Variants in MYCBP2 observed in about 807,000 individuals in gnomAD.
MYCBP2 encodes MYC binding protein 2, also known as E3 ubiquitin-protein ligase MYCBP2.
Under a neutral mutation model 525.3 loss-of-function variants are expected in MYCBP2, and 120 were observed. The observed-to-expected ratio is 0.23, with a 90% CI of 0.20 to 0.27. The LOEUF (loss-of-function observed/expected upper bound fraction) is 0.27, where lower values mean the gene tolerates loss of function less well. MYCBP2 is among the 10% of genes least tolerant of loss of function. The probability of loss-of-function intolerance (pLI) is 1.00; values close to 1 mark genes in which losing one functional copy is unlikely to be tolerated. For synonymous variants in MYCBP2, 1,894 were observed against 1,955.8 expected (o/e 0.97, Z 0.83); for missense variants, 4,149 against 5,657.1 (o/e 0.73, Z 8.55).
chr13:77,167,010 CACA>C (rs2058617086), intron 40 of MYCBP2, among the ~76,000 whole-genome samples: 1 of 150,900 alleles, frequency 6.6e-6, no homozygotes, highest in African/African-American at 2.4e-5. Context: ...CACACACACA[CACA>C]CACACACACA....
At chr13:77,319,066 T>A (rs2081289312) in intron 1 of MYCBP2, among the ~76,000 whole-genome samples, 1 of 152,212 alleles carries the variant, frequency 6.6e-6, no homozygotes, top group African/African-American at 2.4e-5. Context: ...TATTCTTTTG[T>A]GTCTGTGGTG....
At chr13:77,248,145 A>AG in intron 15 of MYCBP2, among the ~76,000 whole-genome samples, 1 of 151,102 alleles carries the variant, frequency 6.6e-6, no homozygotes, top group Admixed American at 6.6e-5. Context: ...GTATAATCAA[A>AG]AAAAAAAAAA....
chr13:77,063,904 T>C (rs1323371726), intron 73 of MYCBP2, among the ~76,000 whole-genome samples: 1 of 152,202 alleles, frequency 6.6e-6, no homozygotes, highest in Non-Finnish European at 1.5e-5. Context: ...ATAGCATAAA[T>C]TGACTTTTTC....
intron 20 of MYCBP2, among the ~76,000 whole-genome samples, chr13:77,220,186 G>A (rs1332955358): frequency 6.6e-6 from 1 of 152,070 alleles, no homozygotes; most frequent in Non-Finnish European, 1.5e-5. Context: ...AAACTGGTAA[G>A]AGTATAGGTG....
intron 18 of MYCBP2, among the ~76,000 whole-genome samples, chr13:77,226,969 C>G (rs574113814): frequency 6.6e-6 from 1 of 152,046 alleles, no homozygotes. Flanking sequence ...AGTGTGGTTA[C>G]CTACATTATA....
intron 46 of MYCBP2, among the ~76,000 whole-genome samples, chr13:77,153,745 A>G (rs1470426906): frequency 2.4e-4 from 10 of 42,154 alleles, no homozygotes; most frequent in Non-Finnish European, 4.3e-4. Context: ...GATTTCCTTA[A>G]AATAAACTTT....
chr13:77,098,986 G>A lies in MYCBP2; in HGVS notation c.8168C>T (p.Ser2723Phe), dbSNP rs1476956276. Residue 2723 changes from serine (S) to phenylalanine (F), a missense_variant, in exon 56 of 83, where the codon TCT (serine) becomes TTT (phenylalanine). Ser to Phe is a radical substitution (Grantham distance 155). Transcript: ENST00000544440. ...TTTTCCTGATGTAGAGGCTGGTTTAGAAGATGTTGAGATGTTTCCTCGATC... is the reference window on the plus strand; with the variant it reads ...TTTTCCTGATGTAGAGGCTGGTTTAAAAGATGTTGAGATGTTTCCTCGATC... Reference protein sequence around the residue: ...KGDRGNISTSSKPASTSGKSE... With the variant: ...KGDRGNISTSFKPASTSGKSE... 2 of 1,609,140 alleles carry A rather than the reference G, an allele frequency of 1.2e-6. No homozygotes were observed. The highest frequency in any genetic ancestry group is 2.7e-5 in the African/African-American group (2 of 74,838).
At chr13:77,068,878 A>AT in intron 69 of MYCBP2, 47 bp from the exon 70 acceptor site, 2 of 1,565,708 alleles carry the variant, frequency 1.3e-6, no homozygotes, top group South Asian at 1.1e-5. Flanking sequence ...GGTTAGTTTG[A>AT]TTTACTACTC....
At chr13:77,270,846 TTTG>T (rs1216008407) in intron 5 of MYCBP2, among the ~76,000 whole-genome samples, 1 of 152,148 alleles carries the variant, frequency 6.6e-6, no homozygotes, top group Non-Finnish European at 1.5e-5. Context: ...TACATTAGAT[TTTG>T]TCATTCTCGA....
intron 32 of MYCBP2, 34 bp from the exon 33 acceptor site, chr13:77,181,956 A>G: frequency 6.6e-7 from 1 of 1,507,122 alleles, no homozygotes; most frequent in Non-Finnish European, 9.2e-7. Flanking sequence ...CCCCAACCAA[A>G]AAATATAGCA....
chr13:77,243,942 A>G lies in MYCBP2; in HGVS notation c.2391T>C (p.Gly797=), dbSNP rs1234933140. The G allele has an allele frequency of 2.0e-6, 3 of 1,528,270 alleles. No individual in the cohort carries two copies. The highest frequency in any genetic ancestry group is 2.9e-5 in the African/African-American group (2 of 68,930). The allele number at this position is 1,528,270 out of a possible 1,614,324, so 94.7% of individuals were successfully genotyped here. Residue 797 remains glycine, a synonymous_variant, in exon 16 of 83, where the codon GGT becomes GGC. Transcript: ENST00000544440. ...RPDRVPGGIC[G]CGSGESGCAV... ...CACAACCAGATTCTCCGGAACCACA[A>G]CCACAGATCCTAGGGGGAAATACAA...
chr13:77,284,988 T>C (rs2076587467), intron 3 of MYCBP2, among the ~76,000 whole-genome samples: 1 of 152,204 alleles, frequency 6.6e-6, no homozygotes. Context: ...GACAGGTCAG[T>C]ACTTGGTAGA....
Position 77,306,631 on chromosome 13 carries a change from A to G in MYCBP2, c.303-9957T>C, listed in dbSNP as rs563164042. 2.0e-5 allele frequency among the ~76,000 whole-genome samples: 3 copies of G among 152,348 alleles called. No homozygotes were observed. In the South Asian group the frequency reaches 6.2e-4, roughly 32 times the overall value. On this transcript the variant is annotated intron_variant, in intron 1 of 82. Coordinates refer to ENST00000544440, the MANE Select transcript of MYCBP2 (RefSeq NM_015057.5). ...TTTGGCTATAGACCCTGCCTCATGCATATTTGTACTCTTAAGTAAACATAG... is the reference window on the plus strand; with the variant it reads ...TTTGGCTATAGACCCTGCCTCATGCGTATTTGTACTCTTAAGTAAACATAG...
Position 77,205,292 on chromosome 13 carries a change from C to G in MYCBP2, c.3807G>C (p.Leu1269=), listed in dbSNP as rs766023875. 1.9e-6 allele frequency: 3 copies of G among 1,613,186 alleles called. No homozygotes were observed. The highest frequency in any genetic ancestry group is 2.5e-6 in the Non-Finnish European group (3 of 1,179,476). The change falls in exon 26 of 83, where the codon CTG becomes CTC. Residue 1269 remains leucine, a synonymous_variant. Coordinates refer to ENST00000544440, the MANE Select transcript of MYCBP2 (RefSeq NM_015057.5). ...CAGTATATTCTCCTCTACCTCCAAA[C>G]AGACCAAGACCACCAAGTAAAATAT... ...DTDILLGGLG[L]FGGRGEYTAK... is the part of the protein sequence containing the mutation.
Position 77,186,017 on chromosome 13 carries a change from G to T in MYCBP2, c.4298C>A (p.Thr1433Asn). The T allele has an allele frequency of 6.2e-7, 1 of 1,611,966 alleles. No individual in the cohort carries two copies. The highest frequency in any genetic ancestry group is 8.5e-7 in the Non-Finnish European group (1 of 1,179,358). The change falls in exon 31 of 83, where the codon ACC becomes AAC. Residue 1433 changes from threonine to asparagine, a missense_variant. Around this residue, in one of 21 missense-constraint regions of MYCBP2, gnomAD observed 292 missense variants for 330.5 expected, o/e 0.88. Transcript: ENST00000544440. ...AAGTTCTTCAACTCCTAAGACTAAG[G>T]TGGTCCAGCTCCAGTGAAGAATACT... ...LLSILHWSWT[T>N]LVLGVEELRG...
At position 77,158,189 on chromosome 13, in the gene MYCBP2, T is replaced by C. The variant is rs1028048079; in HGVS notation, c.6598-80A>G. On this transcript the variant is annotated intron_variant, in intron 44 of 82. Coordinates refer to ENST00000544440, the MANE Select transcript of MYCBP2 (RefSeq NM_015057.5). ...TAAAATTTTTCAACATGCAGATACT[T>C]TCAGATAGGCCTTTACGGAGAAATC... 1.0e-5 allele frequency: 9 copies of C among 881,288 alleles called. No individual in the cohort carries two copies. The Admixed American group carries it at 1.8e-4, about 17-fold the overall frequency. The allele number at this position is 881,288 out of a possible 1,614,324, so 54.6% of individuals were successfully genotyped here. A position where few individuals can be genotyped will look rare whatever the true frequency, so the allele number is the denominator to read the frequency against.
At chr13:77,292,822 G>T (rs2077625826) in intron 2 of MYCBP2, among the ~76,000 whole-genome samples, 1 of 151,980 alleles carries the variant, frequency 6.6e-6, no homozygotes, top group Non-Finnish European at 1.5e-5. Flanking sequence ...GCTGGACGTG[G>T]TGGCTGGTGC....
chr13:77,228,928 C>T (rs549198381), intron 18 of MYCBP2, among the ~76,000 whole-genome samples: 237 of 152,252 alleles, frequency 1.6e-3, no homozygotes, highest in African/African-American at 5.4e-3. Flanking sequence ...GGTAATCCTA[C>T]AGTCATGCAT....
intron 55 of MYCBP2, among the ~76,000 whole-genome samples, chr13:77,116,742 T>C (rs1295566521): frequency 6.6e-6 from 1 of 152,046 alleles, no homozygotes; most frequent in African/African-American, 2.4e-5. Flanking sequence ...AAAATTATAT[T>C]GACACAATGT....
Sources: gnomAD v4.1 joint callset for allele counts (sites outside exome capture counted in the v4.1 genomes callset) on GRCh38, gnomAD v4.1.1 for gene constraint, gnomAD v4.1.1 regional missense constraint, MANE v1.5 for transcripts, NCBI Gene and HGNC (gene_info 2026-07-23, HGNC 2026-07-21) for gene names.